PTPRG: variants seen among roughly 807,000 people sequenced by gnomAD.
PTPRG encodes protein tyrosine phosphatase receptor type G, also known as receptor-type tyrosine-protein phosphatase gamma.
Under a neutral mutation model 165.3 loss-of-function variants are expected in PTPRG, and 102 were observed. The ratio of observed to expected loss-of-function variants is 0.62; its 90% confidence interval spans 0.53 to 0.73. The LOEUF is 0.73. PTPRG is among the 30% of genes least tolerant of loss of function. PTPRG has a pLI of 0.00. For synonymous variants in PTPRG, 675 were observed against 669.5 expected, an observed-to-expected ratio of 1.01 and a Z score of -0.13; for missense variants, 1,866 against 1,861.4, an observed-to-expected ratio of 1.00 and a Z score of -0.05.
intron 1 of PTPRG, among the ~76,000 whole-genome samples, chr3:61,715,098 A>G (rs2106765243): frequency 6.6e-6 from 1 of 152,186 alleles, no homozygotes. Context: ...GCTAGAGGAC[A>G]GCATACTTAA....
chr3:61,571,818 G>T (rs541350972), intron 1 of PTPRG, among the ~76,000 whole-genome samples: 10 of 152,326 alleles, frequency 6.6e-5, no homozygotes, highest in African/African-American at 2.4e-4. Flanking sequence ...AGGTCTGAGG[G>T]TGTTGTGTTT....
At chr3:61,946,826 C>T (rs2039771075) in intron 2 of PTPRG, among the ~76,000 whole-genome samples, 1 of 152,184 alleles carries the variant, frequency 6.6e-6, no homozygotes, top group Non-Finnish European at 1.5e-5. Context: ...TGAGCTTGTT[C>T]TTATGTTAGA....
chr3:62,223,292 T>C (rs1700689834), intron 13 of PTPRG, among the ~76,000 whole-genome samples: 1 of 152,188 alleles, frequency 6.6e-6, no homozygotes, highest in Admixed American at 6.5e-5. Context: ...TCACATAGCC[T>C]GGATTTGGAG....
intron 2 of PTPRG, among the ~76,000 whole-genome samples, chr3:61,865,702 A>G (rs572671149): frequency 2.0e-5 from 3 of 152,244 alleles, no homozygotes; most frequent in South Asian, 4.2e-4. Flanking sequence ...TTGTCTTCTC[A>G]TTGGCCAAGT....
intron 10 of PTPRG, among the ~76,000 whole-genome samples, chr3:62,200,364 G>C (rs1051013727): frequency 6.6e-6 from 1 of 151,940 alleles, no homozygotes; most frequent in Non-Finnish European, 1.5e-5. Flanking sequence ...TCCACCTCCC[G>C]GATTCAAGCG....
intron 20 of PTPRG, among the ~76,000 whole-genome samples, chr3:62,270,079 C>G (rs767784815): frequency 6.6e-6 from 1 of 152,022 alleles, no homozygotes; most frequent in Non-Finnish European, 1.5e-5. Context: ...GAATGTGAAA[C>G]TGCAGATAAG....
intron 2 of PTPRG, among the ~76,000 whole-genome samples, chr3:61,810,663 A>G (rs1018543207): frequency 6.6e-6 from 1 of 152,122 alleles, no homozygotes; most frequent in Non-Finnish European, 1.5e-5. Context: ...CCTCTTTTGG[A>G]CAGATTTCTC....
At chr3:61,886,700 C>T (rs1421782827) in intron 2 of PTPRG, among the ~76,000 whole-genome samples, 2 of 152,250 alleles carry the variant, frequency 1.3e-5, no homozygotes, top group Non-Finnish European at 2.9e-5. Context: ...TCCTAGCTAC[C>T]CATGGCCCCA....
rs2036601249 is a variant in PTPRG, at chr3:61,840,667, T to C, written c.190+91685T>C. On this transcript the variant is annotated intron_variant, in intron 2 of 29. Coordinates refer to ENST00000474889, the MANE Select transcript of PTPRG (RefSeq NM_002841.4). ...GGGTACATGGGACAGAGAATATATT[T>C]TTACCTTTGGAGTTTATATTGGGGG... Among the ~76,000 whole-genome samples, 4 of 152,250 alleles carry C rather than the reference T, an allele frequency of 2.6e-5. No individual in the cohort carries two copies. The South Asian group carries it at 8.3e-4, about 32-fold the overall frequency.
intron 7 of PTPRG, among the ~76,000 whole-genome samples, chr3:62,158,641 G>C (rs774943195): frequency 1.3e-5 from 2 of 152,222 alleles, no homozygotes; most frequent in Non-Finnish European, 2.9e-5. Flanking sequence ...TTACCTGTCA[G>C]TGGGTAAATG....
chr3:61,942,106 G>A (rs527896151), intron 2 of PTPRG, among the ~76,000 whole-genome samples: 2 of 151,486 alleles, frequency 1.3e-5, no homozygotes, highest in East Asian at 1.9e-4. Flanking sequence ...TTGCGTGAGC[G>A]GAGATCGCGC....
At chr3:61,601,141 A>AC (rs1407288882) in intron 1 of PTPRG, among the ~76,000 whole-genome samples, 3 of 152,180 alleles carry the variant, frequency 2.0e-5, no homozygotes, top group Non-Finnish European at 2.9e-5. Context: ...CTGTAGTCCC[A>AC]CCTCCTTGGG....
chr3:62,262,551 C>G (rs977684622), intron 16 of PTPRG: 1 of 371,196 alleles, frequency 2.7e-6, no homozygotes, highest in Non-Finnish European at 4.8e-6. Flanking sequence ...TTTTACATCT[C>G]AGGGACTAGG....
At chr3:61,600,081 G>A (rs1347036287) in intron 1 of PTPRG, among the ~76,000 whole-genome samples, 1 of 151,024 alleles carries the variant, frequency 6.6e-6, no homozygotes, top group South Asian at 2.1e-4. Context: ...AATCACTTGA[G>A]CCCAGGAGGC....
At chr3:61,614,090 A>C (rs1263225337) in intron 1 of PTPRG, among the ~76,000 whole-genome samples, 1 of 152,080 alleles carries the variant, frequency 6.6e-6, no homozygotes, top group Non-Finnish European at 1.5e-5. Flanking sequence ...CAGATGAAAA[A>C]ATCCAAACTC....
chr3:62,210,451 A>G lies in PTPRG; in HGVS notation c.2155+6501A>G, dbSNP rs1018967996. Reference sequence around the variant, plus strand: ...GTTGGCAGAAATGTGGAAAGAAGGGAACCCTTTGTGCACTGCTAGTGGGAA... The same window carrying G: ...GTTGGCAGAAATGTGGAAAGAAGGGGACCCTTTGTGCACTGCTAGTGGGAA... On this transcript the variant is annotated intron_variant, in intron 12 of 29. Transcript: ENST00000474889. The surrounding 1 kb of genome is among the most constrained non-coding windows in gnomAD (Gnocchi z 4.1). Among the ~76,000 whole-genome samples the G allele has an allele frequency of 6.6e-6, 1 of 152,204 alleles. No individual in the cohort carries two copies. Among genetic ancestry groups the G allele is most frequent in the African/African-American group, 2.4e-5 (1 of 41,452 alleles).
chr3:61,749,205 C>T lies in PTPRG; in HGVS notation c.190+223C>T, dbSNP rs191450030. On this transcript the variant is annotated intron_variant, in intron 2 of 29. Coordinates refer to ENST00000474889, the MANE Select transcript of PTPRG (RefSeq NM_002841.4). ...CTCAACCTGTTTTCCCCTCAATTTG[C>T]GTTTATTTCTGAACTTTACTGTTAA... 9.5e-5 allele frequency: 61 copies of T among 641,846 alleles called. 1 individual carries two copies. The highest frequency in any genetic ancestry group is 8.3e-4 in the Admixed American group (39 of 46,744). 39.8% of individuals were successfully genotyped at this position (641,846 alleles called of 1,614,324 possible).
chr3:62,145,621 A>T (rs987331455), intron 6 of PTPRG, among the ~76,000 whole-genome samples: 8 of 152,204 alleles, frequency 5.3e-5, no homozygotes, highest in African/African-American at 1.9e-4. Context: ...GGTAGTGGAC[A>T]AAGAACCAGG....
Position 62,245,635 on chromosome 3 carries a change from T to C in PTPRG, c.2467+1737T>C, listed in dbSNP as rs1317227207. Among the ~76,000 whole-genome samples, 1 of 152,104 alleles carries C rather than the reference T, an allele frequency of 6.6e-6. No individual in the cohort carries two copies. The highest frequency in any genetic ancestry group is 1.5e-5 in the Non-Finnish European group (1 of 68,002). On this transcript the variant is annotated intron_variant, in intron 15 of 29. Transcript: ENST00000474889. This position sits in a 1 kb window ranked among gnomAD's most constrained non-coding sequence, Gnocchi z 4.2. ...TAGTTTCCAGAATCTGTAAATTAAT[T>C]AGGATGCCTATTCTCCTTGCCTTTT...
Sources: allele counts gnomAD v4.1 joint callset (sites outside exome capture counted in the v4.1 genomes callset), GRCh38; gene constraint gnomAD v4.1.1; non-coding constraint Gnocchi (gnomAD v3.1); transcripts MANE v1.5; gene names NCBI Gene and HGNC (gene_info 2026-07-23, HGNC 2026-07-21).